The following KCNMA1 variants were observed in gnomAD, a reference collection of about 807,000 sequenced individuals.
The protein encoded by KCNMA1 is Calcium-activated potassium channel subunit alpha-1.
Under a neutral mutation model 140.0 loss-of-function variants are expected in KCNMA1, and 29 were observed. That is an observed-to-expected ratio of 0.21 (90% CI 0.15 to 0.28). KCNMA1 has a LOEUF of 0.28. Ranked by LOEUF, KCNMA1 falls within the 10% of genes least tolerant of loss-of-function variation. The pLI is 1.00. For synonymous variants in KCNMA1, 612 were observed against 611.9 expected (o/e 1.00, Z 0.00); for missense variants, 880 against 1,602.2 (o/e 0.55, Z 7.70).
intron 1 of KCNMA1, among the ~76,000 whole-genome samples, chr10:77,435,692 T>C (rs1454341282): frequency 6.6e-6 from 1 of 152,238 alleles, no homozygotes; most frequent in East Asian, 1.9e-4. Context: ...AAGCAGATTA[T>C]TTAATGTCAA....
At chr10:77,612,396 A>G (rs2087278571) in intron 1 of KCNMA1, among the ~76,000 whole-genome samples, 1 of 152,220 alleles carries the variant, frequency 6.6e-6, no homozygotes, top group Non-Finnish European at 1.5e-5. Context: ...TCAAATCTGG[A>G]GAAAGCAAAA....
Position 77,090,396 on chromosome 10 carries a change from T to C in KCNMA1, c.1334+4A>G. Reference sequence around the variant, plus strand: ...AGGGTCTGACAGCAGTAGGAAGCTCTTACTTGTGAAGAAAAACGATCTCCA... The same window carrying C: ...AGGGTCTGACAGCAGTAGGAAGCTCCTACTTGTGAAGAAAAACGATCTCCA... On this transcript the variant is annotated splice_donor_region_variant and intron_variant, in intron 10 of 27. Coordinates refer to ENST00000286628, the MANE Select transcript of KCNMA1 (RefSeq NM_001161352.2). 6.3e-7 allele frequency: 1 copy of C among 1,593,350 alleles called. No homozygotes were observed.
intron 14 of KCNMA1, among the ~76,000 whole-genome samples, chr10:77,048,878 A>G (rs2095238828): frequency 6.6e-6 from 1 of 152,038 alleles, no homozygotes; most frequent in Admixed American, 6.5e-5. Flanking sequence ...CTCCCACCTC[A>G]GCCTCCTGAC....
intron 1 of KCNMA1, among the ~76,000 whole-genome samples, chr10:77,475,212 C>T (rs1004291340): frequency 6.6e-6 from 1 of 152,196 alleles, no homozygotes; most frequent in East Asian, 1.9e-4. Context: ...CTCACCATTA[C>T]GAAAGAGGAC....
intron 1 of KCNMA1, among the ~76,000 whole-genome samples, chr10:77,404,816 A>T (rs1389771770): frequency 6.6e-6 from 1 of 152,186 alleles, no homozygotes; most frequent in Non-Finnish European, 1.5e-5. Flanking sequence ...GCCAACAGCA[A>T]TTGGGCCATT....
At chr10:76,960,412 G>A (rs1489915014) in intron 20 of KCNMA1, among the ~76,000 whole-genome samples, 1 of 151,814 alleles carries the variant, frequency 6.6e-6, no homozygotes, top group Non-Finnish European at 1.5e-5. Flanking sequence ...GATGGTGCAC[G>A]CCTGCAGTCC....
At chr10:77,307,292 C>T (rs570607455) in intron 2 of KCNMA1, among the ~76,000 whole-genome samples, 1 of 152,278 alleles carries the variant, frequency 6.6e-6, no homozygotes, top group East Asian at 1.9e-4. Context: ...CCTGTACATG[C>T]AGACACAGTC....
intron 1 of KCNMA1, among the ~76,000 whole-genome samples, chr10:77,578,087 A>G (rs965492544): frequency 2.6e-5 from 4 of 152,208 alleles, no homozygotes; most frequent in Non-Finnish European, 4.4e-5. Context: ...ACCTCCAGCA[A>G]CACACCACTG....
In KCNMA1 at chr10:77,084,654, A is replaced by G; in HGVS notation, c.1506T>C (p.Asp502=). The change falls in exon 12 of 28, where the codon GAT becomes GAC. Residue 502 remains aspartate (D), a synonymous_variant. Transcript: ENST00000286628. ...NKYCADPDAE[D]ASNIMRVISI... is the part of the protein sequence containing the mutation. ...AGAGTTACCTCATGATATTCGAGGC[A>G]TCCTCCGCATCCGGGTCAGCGCAGT... 1 of 1,614,144 alleles carries G rather than the reference A, an allele frequency of 6.2e-7. No homozygotes were observed. The highest frequency in any genetic ancestry group is 8.5e-7 in the Non-Finnish European group (1 of 1,179,974).
At chr10:77,209,477 C>A (rs918333905) in intron 3 of KCNMA1, among the ~76,000 whole-genome samples, 1 of 152,140 alleles carries the variant, frequency 6.6e-6, no homozygotes, top group African/African-American at 2.4e-5. Context: ...CTCTGAAGTT[C>A]TAGGTTCAGA....
chr10:77,602,198 G>A (rs923035562), intron 1 of KCNMA1, among the ~76,000 whole-genome samples: 1 of 152,178 alleles, frequency 6.6e-6, no homozygotes, highest in Admixed American at 6.5e-5. Flanking sequence ...GTTTGGGGGA[G>A]ACGGGGATGC....
At chr10:77,360,566 T>C (rs545292372) in intron 2 of KCNMA1, among the ~76,000 whole-genome samples, 41 of 152,298 alleles carry the variant, frequency 2.7e-4, no homozygotes, top group African/African-American at 9.1e-4. Flanking sequence ...CACATGCCAC[T>C]CTAAACAGAA....
At chr10:76,974,679 G>C in intron 19 of KCNMA1, 3 of 776,942 alleles carry the variant, frequency 3.9e-6, no homozygotes, top group Non-Finnish European at 6.3e-6. Flanking sequence ...AATCAAACTG[G>C]AAGTTTCTCC....
intron 1 of KCNMA1, among the ~76,000 whole-genome samples, chr10:77,479,698 C>A (rs914405489): frequency 3.3e-5 from 5 of 152,260 alleles, no homozygotes; most frequent in African/African-American, 4.8e-5. Flanking sequence ...TGTAACCGGA[C>A]CCCAGAAGCC....
At chr10:76,987,541 T>C (rs953437013) in intron 19 of KCNMA1, among the ~76,000 whole-genome samples, 1 of 152,196 alleles carries the variant, frequency 6.6e-6, no homozygotes, top group African/African-American at 2.4e-5. Flanking sequence ...AGCAAATGAA[T>C]GGGAGTGACT....
intron 5 of KCNMA1, among the ~76,000 whole-genome samples, chr10:77,133,635 C>T (rs1319762552): frequency 1.3e-5 from 2 of 151,782 alleles, no homozygotes; most frequent in Non-Finnish European, 2.9e-5. Context: ...AAACTTTATA[C>T]ACCTAAAAGT....
chr10:77,214,596 G>C (rs949260981), intron 3 of KCNMA1, among the ~76,000 whole-genome samples: 3 of 152,120 alleles, frequency 2.0e-5, no homozygotes, highest in South Asian at 4.1e-4. Context: ...ACTACTGCAG[G>C]CTCCATCCTT....
intron 3 of KCNMA1, among the ~76,000 whole-genome samples, chr10:77,227,562 C>T (rs1041112610): frequency 6.6e-6 from 1 of 152,242 alleles, no homozygotes; most frequent in Non-Finnish European, 1.5e-5. Context: ...AATAAATCAC[C>T]AGGTTTAGCA....
chr10:77,100,097 G>A (rs564818664), intron 9 of KCNMA1, among the ~76,000 whole-genome samples: 1 of 152,206 alleles, frequency 6.6e-6, no homozygotes, highest in Non-Finnish European at 1.5e-5. Context: ...TCAAGCTTCT[G>A]TTTCACTGCC....
Sources: gnomAD v4.1 joint callset for allele counts (sites outside exome capture counted in the v4.1 genomes callset) on GRCh38, gnomAD v4.1.1 for gene constraint, MANE v1.5 for transcripts, NCBI Gene and HGNC (gene_info 2026-07-23, HGNC 2026-07-21) for gene names.